IL27: variants seen among roughly 807,000 people sequenced by gnomAD.
The protein encoded by IL27 is interleukin-27 subunit alpha.
A neutral mutation model predicts 27.0 loss-of-function variants in IL27; 11 were observed. The ratio of observed to expected loss-of-function variants is 0.41; its 90% CI spans 0.26 to 0.67. The LOEUF is 0.67. Among genes scored for constraint, IL27 ranks in the 30% least tolerant of loss-of-function variants. The pLI, the probability that IL27 is intolerant of heterozygous loss-of-function variation, is 0.34. For synonymous variants in IL27, 134 were observed against 140.6 expected (o/e 0.95, Z 0.33); for missense variants, 299 against 310.4 (o/e 0.96, Z 0.28).
intron 1 of IL27, among the ~76,000 whole-genome samples, 189 bp downstream of exon 1, chr16:28,506,592 G>C (rs989532886): frequency 6.6e-6 from 1 of 151,990 alleles, no homozygotes; most frequent in African/African-American, 2.4e-5. Context: ...CCCTGGGTCA[G>C]ACCACCACCC....
At chr16:28,503,080 C>T (rs1214853822) in intron 3 of IL27, among the ~76,000 whole-genome samples, 1 of 152,136 alleles carries the variant, frequency 6.6e-6, no homozygotes. Flanking sequence ...CATCAGCCTC[C>T]CACAGTGCTG....
In IL27 at chr16:28,499,858, CTCCTCCTCCTCCTCCTCT is replaced by C. The variant is rs770277426; in HGVS notation, c.507_524del (p.Glu171_Glu176del). 9.0e-6 allele frequency: 14 copies of C among 1,553,960 alleles called. No individual in the cohort carries two copies. The African/African-American group carries it at 1.1e-4, about 12-fold the overall frequency. On this transcript the variant is annotated inframe_deletion, in exon 5 of 5. Coordinates refer to ENST00000356897, the MANE Select transcript of IL27 (RefSeq NM_145659.3). ...CCCCTGGGAGCAGCCCCTTCCTCTCCTCCTCCTCCTCCTCCTCTTCCTCCTCCTCCTCCTCCGGGAGGT... is the reference window on the plus strand; with the variant it reads ...CCCCTGGGAGCAGCCCCTTCCTCTCCTCCTCCTCCTCCTCCTCCGGGAGGT...
chr16:28,501,687 A>T (rs1391427477), intron 4 of IL27, among the ~76,000 whole-genome samples: 1 of 149,778 alleles, frequency 6.7e-6, no homozygotes, highest in African/African-American at 2.5e-5. Flanking sequence ...ACTCATACAG[A>T]CCCACATGCA....
Position 28,504,043 on chromosome 16 carries a change from G to A in IL27, c.39C>T (p.Ser13=), listed in dbSNP as rs955531191. 11 of 1,604,334 alleles carry A rather than the reference G, an allele frequency of 6.9e-6. No individual in the cohort carries two copies. Among genetic ancestry groups the A allele is most frequent in the Middle Eastern group, 3.3e-4 (2 of 6,002 alleles). Reference sequence around the variant, plus strand: ...CCAGGAGCAAGGGAAGCAGCAACAGGCTGAGCCCTGGAGAGATGGGAAGAG... The same window carrying A: ...CCAGGAGCAAGGGAAGCAGCAACAGACTGAGCCCTGGAGAGATGGGAAGAG... The part of the protein sequence containing the change: ...QTAGDLGWRL[S]LLLLPLLLVQ... The change falls in exon 2 of 5, where the codon AGC becomes AGT. Residue 13 remains serine (S), a synonymous_variant. Coordinates refer to ENST00000356897, the MANE Select transcript of IL27 (RefSeq NM_145659.3).
Position 28,506,791 on chromosome 16 carries a change from G to T in IL27, c.21C>A (p.Asp7Glu), listed in dbSNP as rs751793101. ...TGGCTTCAAACTCACGCCAGCCAAG[G>T]TCGCCTGCCGTCTGGCCCATGGCGG... MGQTAG[D>E]LGWRLSLLLL... The change falls in exon 1 of 5, where the codon GAC (aspartate) becomes GAA (glutamate). Residue 7 changes from aspartate to glutamate, a missense_variant. Asp to Glu is a conservative substitution (Grantham distance 45). Coordinates refer to ENST00000356897, the MANE Select transcript of IL27 (RefSeq NM_145659.3). 12 of 1,611,642 alleles carry T rather than the reference G, an allele frequency of 7.4e-6. No individual in the cohort carries two copies. The highest frequency in any genetic ancestry group is 1.6e-4 in the Middle Eastern group (1 of 6,074).
At chr16:28,501,640 C>G (rs565179848) in intron 4 of IL27, among the ~76,000 whole-genome samples, 1 of 151,820 alleles carries the variant, frequency 6.6e-6, no homozygotes, top group East Asian at 1.9e-4. Context: ...CACTCTCACA[C>G]TCACGGACCC....
At chr16:28,501,712 C>CA (rs1491566633) in intron 4 of IL27, among the ~76,000 whole-genome samples, 1 of 148,560 alleles carries the variant, frequency 6.7e-6, no homozygotes, top group East Asian at 1.9e-4. Flanking sequence ...CAGTCACTCC[C>CA]ACACACTCTC....
At chr16:28,504,756 ATTT>A (rs1024799764) in intron 1 of IL27, among the ~76,000 whole-genome samples, 1 of 151,588 alleles carries the variant, frequency 6.6e-6, no homozygotes, top group Non-Finnish European at 1.5e-5. Context: ...AACTGTTTCT[ATTT>A]TTTTGTAGAG....
intron 1 of IL27, among the ~76,000 whole-genome samples, chr16:28,504,914 T>G (rs539621183): frequency 6.6e-6 from 1 of 152,332 alleles, no homozygotes; most frequent in African/African-American, 2.4e-5. Flanking sequence ...ATAAACTCCC[T>G]TGGCCAAATG....
rs200677977 is a variant in IL27 at position 28,503,882 on chromosome 16, C to T, written c.200G>A (p.Arg67His). The change falls in exon 2 of 5, where the codon CGC becomes CAC. Residue 67 changes from arginine (R) to histidine (H), a missense_variant. By Grantham distance (29) the Arg-to-His change is conservative. Coordinates refer to ENST00000356897, the MANE Select transcript of IL27 (RefSeq NM_145659.3). ...AGCTGCATTAGGGGGACTTACAAAGCGGTGGGCCTGGCCCCGAACCTCGGA... is the reference window on the plus strand; with the variant it reads ...AGCTGCATTAGGGGGACTTACAAAGTGGTGGGCCTGGCCCCGAACCTCGGA... ...LLSEVRGQAHRFAESHLPGVN... is the reference protein window; with the variant it reads ...LLSEVRGQAHHFAESHLPGVN... 48 of 1,614,010 alleles carry T rather than the reference C, an allele frequency of 3.0e-5. No individual in the cohort carries two copies. The highest frequency in any genetic ancestry group is 1.8e-4 in the South Asian group (16 of 91,084).
intron 1 of IL27, among the ~76,000 whole-genome samples, chr16:28,504,819 G>A (rs1386843649): frequency 6.6e-6 from 1 of 152,192 alleles, no homozygotes; most frequent in Non-Finnish European, 1.5e-5. Flanking sequence ...CTGGCCTCAA[G>A]AGATCTTCCC....
chr16:28,502,204 C>T (rs558636760), intron 3 of IL27, 70 bp from the exon 4 acceptor site: 35 of 1,416,550 alleles, frequency 2.5e-5, no homozygotes, highest in East Asian at 1.0e-4. Context: ...CACCCCCTCC[C>T]TATCCGGGTC....
At chr16:28,505,880 CCT>C (rs1346839340) in intron 1 of IL27, among the ~76,000 whole-genome samples, 1 of 152,162 alleles carries the variant, frequency 6.6e-6, no homozygotes, top group Non-Finnish European at 1.5e-5. Context: ...CGAAATGTCC[CCT>C]GATAAAGGTG....
At chr16:28,500,984 G>T (rs1354898159) in intron 4 of IL27, among the ~76,000 whole-genome samples, 1 of 152,128 alleles carries the variant, frequency 6.6e-6, no homozygotes, top group Non-Finnish European at 1.5e-5. Context: ...CAGAGCGCGA[G>T]GTCAGGAGTC....
Position 28,499,393 on chromosome 16 carries a change from T to G in IL27, c.*258A>C. 4.4e-6 allele frequency: 2 copies of G among 456,406 alleles called. No homozygotes were observed. Among genetic ancestry groups the G allele is most frequent in the Non-Finnish European group, 7.9e-6 (2 of 252,886 alleles). The allele number at this position is 456,406 out of a possible 1,614,324, so 28.3% of individuals were successfully genotyped here. ...AGAGTGCTTTATTGGGCACCCAGCATGGGGGCTTGGCCCGAGGAGGACCAT... is the reference window on the plus strand; with the variant it reads ...AGAGTGCTTTATTGGGCACCCAGCAGGGGGGCTTGGCCCGAGGAGGACCAT... On this transcript the variant is annotated 3_prime_UTR_variant, in exon 5 of 5. Transcript: ENST00000356897.
At chr16:28,505,994 G>A (rs570790503) in intron 1 of IL27, among the ~76,000 whole-genome samples, 3 of 152,250 alleles carry the variant, frequency 2.0e-5, no homozygotes, top group South Asian at 2.1e-4. Flanking sequence ...TGGTTTTGGG[G>A]CCACTCGGAC....
rs774128169 is a variant in IL27, at chr16:28,501,988, G to A, written c.450C>T (p.His150=). ...MRLDLRDLQR[H]LRFQVLAAGF... is the part of the protein sequence containing the mutation. ...GGCCGGGCTCTACCTGGAAGCGGAGGTGCCGCTGCAGATCGCGGAGGTCCA... is the reference window on the plus strand; with the variant it reads ...GGCCGGGCTCTACCTGGAAGCGGAGATGCCGCTGCAGATCGCGGAGGTCCA... Residue 150 remains histidine, a synonymous_variant, in exon 4 of 5, where the codon CAC becomes CAT. Transcript: ENST00000356897. The A allele has an allele frequency of 1.2e-6, 2 of 1,605,852 alleles. No homozygotes were observed. The highest frequency in any genetic ancestry group is 1.1e-5 in the South Asian group (1 of 90,966).
intron 4 of IL27, 98 bp downstream of exon 4, chr16:28,501,878 C>T: frequency 7.1e-7 from 1 of 1,400,490 alleles, no homozygotes; most frequent in Non-Finnish European, 9.8e-7. Context: ...CACTCACACT[C>T]TCACACTCAC....
chr16:28,503,117 C>G (rs887065273), intron 3 of IL27, among the ~76,000 whole-genome samples: 1 of 152,062 alleles, frequency 6.6e-6, no homozygotes, highest in Non-Finnish European at 1.5e-5. Flanking sequence ...CCACTGCGCT[C>G]AGCTAATTTT....
Sources: gnomAD v4.1 joint callset for allele counts (sites outside exome capture counted in the v4.1 genomes callset) on GRCh38, gnomAD v4.1.1 for gene constraint, MANE v1.5 for transcripts, NCBI Gene and HGNC (gene_info 2026-07-23, HGNC 2026-07-21) for gene names.